EEFSEC: variants seen among roughly 807,000 people sequenced by gnomAD.
The protein encoded by EEFSEC is selenocysteine-specific elongation factor.
A neutral mutation model predicts 42.1 loss-of-function variants in EEFSEC; 43 were observed. The observed-to-expected ratio is 1.02, with a 90% CI of 0.80 to 1.32. The LOEUF is 1.32. Ranked by LOEUF, EEFSEC falls within the 40% of genes most tolerant of loss-of-function variation. EEFSEC has a pLI of 0.00. For missense variants in EEFSEC, 745 were observed against 803.6 expected (o/e 0.93, Z 0.88); for synonymous variants, 354 against 339.1 (o/e 1.04, Z -0.48).
At chr3:128,249,322 C>T (rs147010273) in intron 2 of EEFSEC, among the ~76,000 whole-genome samples, 32 of 152,328 alleles carry the variant, frequency 2.1e-4, no homozygotes, top group African/African-American at 6.7e-4. Flanking sequence ...TTTCTTTTCT[C>T]AAATGGCAGC....
At chr3:128,283,659 T>C (rs564746492) in intron 4 of EEFSEC, among the ~76,000 whole-genome samples, 1 of 152,282 alleles carries the variant, frequency 6.6e-6, no homozygotes, top group Admixed American at 6.5e-5. Context: ...GAGTCAAGTG[T>C]CACCGTTAAT....
At chr3:128,311,255 G>C (rs2108020038) in intron 4 of EEFSEC, among the ~76,000 whole-genome samples, 1 of 152,358 alleles carries the variant, frequency 6.6e-6, no homozygotes, top group Admixed American at 6.5e-5. Context: ...CATGTGAAGT[G>C]TAACTAATTC....
chr3:128,238,594 A>G (rs1362093820), intron 1 of EEFSEC, among the ~76,000 whole-genome samples: 1 of 151,934 alleles, frequency 6.6e-6, no homozygotes, highest in African/African-American at 2.4e-5. Flanking sequence ...TGCAGCCTCC[A>G]CCTCCTGGGT....
At chr3:128,246,636 C>T (rs2066130512) in intron 1 of EEFSEC, among the ~76,000 whole-genome samples, 200 bp from the exon 2 acceptor site, 2 of 152,216 alleles carry the variant, frequency 1.3e-5, no homozygotes, top group Admixed American at 6.5e-5. Context: ...TTGTGGACCT[C>T]AGTTTCCTCA....
At position 128,241,229 on chromosome 3, in the gene EEFSEC, C is replaced by T. The variant is rs1403781887; in HGVS notation, c.317-5607C>T. ...TTTTTTTTTTTTTTTTTTTTTGAGA[C>T]AGGGTCTCACTCTGTCACCCAGGCT... On this transcript the variant is annotated intron_variant, in intron 1 of 6. Transcript: ENST00000254730. Among the ~76,000 whole-genome samples the T allele has an allele frequency of 5.6e-5, 5 of 89,642 alleles. 1 individual carries two copies. In the South Asian group the frequency reaches 1.8e-3, roughly 32 times the overall value. 58.8% of individuals were successfully genotyped at this position (89,642 alleles called of 152,430 possible).
intron 1 of EEFSEC, among the ~76,000 whole-genome samples, chr3:128,213,645 G>A (rs1382862368): frequency 1.3e-5 from 2 of 151,998 alleles, no homozygotes; most frequent in Non-Finnish European, 2.9e-5. Context: ...TTGAGGTCAT[G>A]TCTCACGGGG....
At chr3:128,340,767 G>A (rs1735558) in intron 4 of EEFSEC, among the ~76,000 whole-genome samples, 20,538 of 152,136 alleles carry the variant, frequency 0.13, 1,684 homozygotes, top group South Asian at 0.25. Flanking sequence ...TGTTTGTCCC[G>A]GGCTTTAGAG....
intron 6 of EEFSEC, among the ~76,000 whole-genome samples, chr3:128,404,897 G>C (rs2068091229): frequency 6.6e-6 from 1 of 152,124 alleles, no homozygotes. Context: ...GGGGACTCAG[G>C]CTTTAGATGG....
intron 4 of EEFSEC, among the ~76,000 whole-genome samples, chr3:128,337,639 G>T (rs1327526972): frequency 3.3e-5 from 5 of 152,182 alleles, no homozygotes; most frequent in Admixed American, 3.3e-4. Flanking sequence ...GAGCGGCTGG[G>T]CGTTTATCTG....
chr3:128,270,549 G>A (rs958876315), intron 4 of EEFSEC, among the ~76,000 whole-genome samples: 1 of 152,136 alleles, frequency 6.6e-6, no homozygotes, highest in Non-Finnish European at 1.5e-5. Context: ...CCCCCAGAAA[G>A]GGAAAAGAAA....
chr3:128,296,338 C>A (rs2066705949), intron 4 of EEFSEC, among the ~76,000 whole-genome samples: 1 of 152,114 alleles, frequency 6.6e-6, no homozygotes, highest in Admixed American at 6.5e-5. Context: ...CTGGCCACCC[C>A]ATGTAGCTAA....
chr3:128,209,944 C>T (rs931902872), intron 1 of EEFSEC, among the ~76,000 whole-genome samples: 1 of 152,216 alleles, frequency 6.6e-6, no homozygotes, highest in Admixed American at 6.5e-5. Flanking sequence ...AAAAATATCT[C>T]CCACTTTGGG....
At chr3:128,400,589 G>C (rs2068037669) in intron 6 of EEFSEC, among the ~76,000 whole-genome samples, 1 of 152,220 alleles carries the variant, frequency 6.6e-6, no homozygotes, top group Non-Finnish European at 1.5e-5. Context: ...TGACTAGAGC[G>C]GCCCCAGCCC....
downstream of EEFSEC, among the ~76,000 whole-genome samples, chr3:128,410,987 G>A (rs894306694): frequency 6.6e-6 from 1 of 152,164 alleles, no homozygotes; most frequent in African/African-American, 2.4e-5. Flanking sequence ...TGAGCGCCCT[G>A]AGTGTGTAAT....
intron 4 of EEFSEC, among the ~76,000 whole-genome samples, chr3:128,293,546 A>G (rs2066666943): frequency 1.3e-5 from 2 of 151,990 alleles, no homozygotes; most frequent in South Asian, 4.2e-4. Flanking sequence ...CTGTAGTCCC[A>G]GCTACTCGGG....
intron 2 of EEFSEC, among the ~76,000 whole-genome samples, chr3:128,250,834 C>T (rs1050947055): frequency 6.7e-6 from 1 of 150,186 alleles, no homozygotes; most frequent in African/African-American, 2.5e-5. Flanking sequence ...GTAGTATTGA[C>T]ATCTTAACAG....
At chr3:128,368,811 C>T (rs2067620876) in intron 6 of EEFSEC, among the ~76,000 whole-genome samples, 1 of 152,264 alleles carries the variant, frequency 6.6e-6, no homozygotes, top group Non-Finnish European at 1.5e-5. Context: ...CCCCTTCCCT[C>T]ATCTGCCTGC....
intron 2 of EEFSEC, among the ~76,000 whole-genome samples, chr3:128,247,802 A>G (rs2066143342): frequency 6.6e-6 from 1 of 151,998 alleles, no homozygotes; most frequent in South Asian, 2.1e-4. Context: ...GAAGGAGGAG[A>G]AGGAGAAGGA....
chr3:128,353,037 CT>C (rs1330545921), intron 5 of EEFSEC, among the ~76,000 whole-genome samples: 2 of 152,230 alleles, frequency 1.3e-5, no homozygotes, highest in African/African-American at 4.8e-5. Context: ...AACATTGTCA[CT>C]AGCTTCTTGG....
Sources: gnomAD v4.1 joint callset for allele counts (sites outside exome capture counted in the v4.1 genomes callset) on GRCh38, gnomAD v4.1.1 for gene constraint, MANE v1.5 for transcripts, NCBI Gene and HGNC (gene_info 2026-07-23, HGNC 2026-07-21) for gene names.